Variants in ATRNL1 observed in about 807,000 individuals in gnomAD.
ATRNL1 encodes attractin like 1, also known as attractin-like protein 1.
ATRNL1 carries 95 observed loss-of-function variants against 182.7 expected under a neutral mutation model. The ratio of observed to expected loss-of-function variants is 0.52; its 90% CI spans 0.44 to 0.62. The LOEUF (loss-of-function observed/expected upper bound fraction) is 0.62, where lower values mean the gene tolerates loss of function less well. Among genes scored for constraint, ATRNL1 ranks in the 20% least tolerant of loss-of-function variants. ATRNL1 has a pLI of 0.00. For missense variants in ATRNL1, 1,471 were observed against 1,679.5 expected, an observed-to-expected ratio of 0.88 and a Z score of 2.17; for synonymous variants, 576 against 568.3, an observed-to-expected ratio of 1.01 and a Z score of -0.19.
intron 24 of ATRNL1, among the ~76,000 whole-genome samples, chr10:115,484,157 T>G (rs1455934160): frequency 6.6e-6 from 1 of 151,604 alleles, no homozygotes; most frequent in Non-Finnish European, 1.5e-5. Context: ...TTAGATCTTT[T>G]TCATATCTTT....
At chr10:115,595,356 A>G (rs1856177310) in intron 26 of ATRNL1, among the ~76,000 whole-genome samples, 1 of 152,226 alleles carries the variant, frequency 6.6e-6, no homozygotes, top group African/African-American at 2.4e-5. Context: ...TCAAGCACAC[A>G]TGAATTATAT....
intron 27 of ATRNL1, among the ~76,000 whole-genome samples, chr10:115,764,453 C>T (rs1565358577): frequency 6.6e-6 from 1 of 152,104 alleles, no homozygotes; most frequent in Non-Finnish European, 1.5e-5. Flanking sequence ...ATTCTCTGTA[C>T]TCTGCCTATG....
At chr10:115,812,523 C>T (rs1950069731) in intron 27 of ATRNL1, among the ~76,000 whole-genome samples, 1 of 152,186 alleles carries the variant, frequency 6.6e-6, no homozygotes, top group Non-Finnish European at 1.5e-5. Flanking sequence ...GTTGCCCAAG[C>T]TGGAGTGCAA....
chr10:115,316,568 A>G (rs2201364), intron 18 of ATRNL1, among the ~76,000 whole-genome samples: 147,187 of 152,306 alleles, frequency 0.97, 71,143 homozygotes, highest in East Asian at 1. Context: ...AGCCTCGCTA[A>G]CATCTATTGT....
intron 19 of ATRNL1, among the ~76,000 whole-genome samples, chr10:115,372,378 C>A (rs1414614827): frequency 6.6e-6 from 1 of 151,940 alleles, no homozygotes; most frequent in African/African-American, 2.4e-5. Flanking sequence ...GAAACAATCC[C>A]ATTTGTCTAT....
intron 27 of ATRNL1, among the ~76,000 whole-genome samples, chr10:115,816,130 A>AGTGCAGAT (rs1950159356): frequency 6.6e-6 from 1 of 152,288 alleles, no homozygotes; most frequent in African/African-American, 2.4e-5. Context: ...AAATTCAGCA[A>AGTGCAGAT]GTGCAGATGT....
In ATRNL1 at chr10:115,440,577, CT is replaced by C. The variant is rs552932157; in HGVS notation, c.3322+14276del. Among the ~76,000 whole-genome samples the C allele has an allele frequency of 3.6e-4, 55 of 151,974 alleles. No homozygotes were observed. In the East Asian group the frequency reaches 0.01, roughly 29 times the overall value. Reference sequence around the variant, plus strand: ...CTTGTTTTCTCATTTTCACCCTTTCCTAGTGCCCTGCTGTCTTCTTTTATAC... The same window carrying C: ...CTTGTTTTCTCATTTTCACCCTTTCCAGTGCCCTGCTGTCTTCTTTTATAC... On this transcript the variant is annotated intron_variant, in intron 21 of 28. Transcript: ENST00000355044.
intron 21 of ATRNL1, 38 bp from the exon 22 acceptor site, chr10:115,461,903 A>G (rs1847816243): frequency 1.4e-6 from 2 of 1,458,098 alleles, no homozygotes; most frequent in Non-Finnish European, 1.9e-6. Flanking sequence ...CAGTTTTTAA[A>G]GTACATATCA....
chr10:115,514,903 T>G (rs2133687326), intron 24 of ATRNL1, among the ~76,000 whole-genome samples: 1 of 152,042 alleles, frequency 6.6e-6, no homozygotes, highest in Non-Finnish European at 1.5e-5. Context: ...TTGGACCTTC[T>G]TTGTTTTGTC....
intron 26 of ATRNL1, among the ~76,000 whole-genome samples, chr10:115,556,648 G>A (rs540432462): frequency 3.9e-5 from 6 of 152,166 alleles, no homozygotes; most frequent in East Asian, 1.9e-4. Flanking sequence ...AGTACTAAGC[G>A]AATTAATGCA....
intron 24 of ATRNL1, among the ~76,000 whole-genome samples, chr10:115,498,846 T>G (rs1261986542): frequency 2.6e-5 from 4 of 152,026 alleles, no homozygotes; most frequent in African/African-American, 9.7e-5. Flanking sequence ...TCTTAGACTG[T>G]TGGAAATACT....
At chr10:115,795,444 C>T (rs1439962673) in intron 27 of ATRNL1, among the ~76,000 whole-genome samples, 1 of 152,110 alleles carries the variant, frequency 6.6e-6, no homozygotes, top group Non-Finnish European at 1.5e-5. Context: ...GTCTCCTGGT[C>T]TCAGCTTTCC....
At chr10:115,481,855 G>T (rs565172603) in intron 24 of ATRNL1, among the ~76,000 whole-genome samples, 124 of 150,906 alleles carry the variant, frequency 8.2e-4, no homozygotes, top group African/African-American at 2.9e-3. Flanking sequence ...TACTTGATTT[G>T]TTTGCAATTA....
chr10:115,564,874 G>GT (rs1439997497), intron 26 of ATRNL1, among the ~76,000 whole-genome samples: 11 of 151,848 alleles, frequency 7.2e-5, no homozygotes, highest in Non-Finnish European at 1.6e-4. Flanking sequence ...ATTTTTGCAT[G>GT]TAACTGTAAA....
chr10:115,718,891 T>C (rs11197418), intron 26 of ATRNL1, among the ~76,000 whole-genome samples: 56,830 of 152,006 alleles, frequency 0.37, 11,487 homozygotes, highest in East Asian at 0.59. Flanking sequence ...GAAGAGTCTC[T>C]GGTATTTTTT....
chr10:115,719,751 A>G (rs1328407277), intron 26 of ATRNL1, among the ~76,000 whole-genome samples: 1 of 152,112 alleles, frequency 6.6e-6, no homozygotes, highest in Non-Finnish European at 1.5e-5. Flanking sequence ...ATCCAGAGAT[A>G]CAAAGCTTAA....
intron 26 of ATRNL1, among the ~76,000 whole-genome samples, chr10:115,695,903 CT>C (rs782085382): frequency 0.02 from 2,906 of 142,956 alleles, 38 homozygotes; most frequent in Non-Finnish European, 0.029. Context: ...ACAACATTTT[CT>C]TTTTTTTTTT....
intron 20 of ATRNL1, among the ~76,000 whole-genome samples, chr10:115,403,257 C>CTTTTTTTT (rs59256867): frequency 8.4e-5 from 9 of 107,430 alleles, no homozygotes; most frequent in African/African-American, 2.9e-4. Flanking sequence ...TTACTCTCAT[C>CTTTTTTTT]TTTTTTTTTT....
At chr10:115,402,441 C>G (rs1844612792) in intron 20 of ATRNL1, among the ~76,000 whole-genome samples, 1 of 152,104 alleles carries the variant, frequency 6.6e-6, no homozygotes, top group Admixed American at 6.6e-5. Context: ...CAAATTTATC[C>G]CCACTCACAA....
Sources: allele counts gnomAD v4.1 joint callset (sites outside exome capture counted in the v4.1 genomes callset), GRCh38; gene constraint gnomAD v4.1.1; transcripts MANE v1.5; gene names NCBI Gene and HGNC (gene_info 2026-07-23, HGNC 2026-07-21).